TRPM8: variants seen among roughly 807,000 people sequenced by gnomAD.
The protein encoded by TRPM8 is transient receptor potential cation channel subfamily M member 8.
In TRPM8, 110 loss-of-function variants were observed where a neutral mutation model predicts 133.7. That is an observed-to-expected ratio of 0.82 (90% confidence interval 0.70 to 0.96). The LOEUF (loss-of-function observed/expected upper bound fraction) is 0.96, where lower values mean the gene tolerates loss of function less well. Ranked by LOEUF, TRPM8 falls within the 40% of genes least tolerant of loss-of-function variation. The pLI, the probability that TRPM8 is intolerant of heterozygous loss-of-function variation, is 0.00. For synonymous variants in TRPM8, 535 were observed against 532.3 expected (o/e 1.01, Z -0.07); for missense variants, 1,291 against 1,379.5 (o/e 0.94, Z 1.02).
intron 18 of TRPM8, among the ~76,000 whole-genome samples, chr2:233,981,558 A>T (rs961926770): frequency 6.6e-6 from 1 of 151,352 alleles, no homozygotes; most frequent in Non-Finnish European, 1.5e-5. Flanking sequence ...GTTTGGTGAG[A>T]TGTCTTTGCT....
At chr2:233,946,344 A>G (rs191200010) in intron 7 of TRPM8, 120 of 234,474 alleles carry the variant, frequency 5.1e-4, no homozygotes, top group African/African-American at 2.5e-3. Flanking sequence ...TACGATCTAC[A>G]ATGACAAATA....
intron 15 of TRPM8, among the ~76,000 whole-genome samples, chr2:233,968,800 T>C (rs1180771187): frequency 6.6e-6 from 1 of 152,084 alleles, no homozygotes; most frequent in Non-Finnish European, 1.5e-5. Flanking sequence ...AGAGCTACTG[T>C]GAGTTTTCTA....
intron 21 of TRPM8, among the ~76,000 whole-genome samples, chr2:233,990,391 C>T: frequency 6.6e-6 from 1 of 152,298 alleles, no homozygotes; most frequent in African/African-American, 2.4e-5. Flanking sequence ...AAAGGCAAGA[C>T]AGCTCTGTCT....
intron 11 of TRPM8, among the ~76,000 whole-genome samples, chr2:233,960,414 C>T (rs946344194): frequency 6.6e-6 from 1 of 152,074 alleles, no homozygotes; most frequent in South Asian, 2.1e-4. Context: ...CACACCCCCA[C>T]CCCCGATTGA....
At chr2:233,925,509 T>C (rs552766969) in intron 1 of TRPM8, among the ~76,000 whole-genome samples, 1 of 152,138 alleles carries the variant, frequency 6.6e-6, no homozygotes, top group African/African-American at 2.4e-5. Context: ...AAGAGGGCTC[T>C]GGACAGAAGG....
At chr2:234,001,906 A>G (rs1692575427) in intron 22 of TRPM8, among the ~76,000 whole-genome samples, 1 of 152,190 alleles carries the variant, frequency 6.6e-6, no homozygotes, top group Admixed American at 6.5e-5. Context: ...AGAGCCTACC[A>G]CATGATAGTG....
At position 233,996,483 on chromosome 2, in the gene TRPM8, T is replaced by G. The variant is rs1390371433; in HGVS notation, c.3097T>G (p.Cys1033Gly). The G allele has an allele frequency of 1.2e-6, 2 of 1,614,110 alleles. No individual in the cohort carries two copies. Among genetic ancestry groups the G allele is most frequent in the African/African-American group, 2.7e-5 (2 of 74,944 alleles). Residue 1033 changes from cysteine to glycine, a missense_variant, in exon 22 of 26, where the codon TGC (cysteine) becomes GGC (glycine). This residue lies in a region of TRPM8 where 328 missense variants were observed against 410.6 expected (regional missense o/e 0.80). Transcript: ENST00000324695. Reference protein sequence around the residue: ...MVVKKCFKCCCKEKNMESSVC... With the variant: ...MVVKKCFKCCGKEKNMESSVC... The stretch of plus-strand genomic sequence containing the variant: ...GGTGAAGAAGTGCTTCAAGTGTTGC[T>G]GCAAGGAGAAAAACATGGAGTCTTC...
In TRPM8 at chr2:233,921,465, G is replaced by T. The variant is rs189038823; in HGVS notation, c.-6+4033G>T. Among the ~76,000 whole-genome samples, 219 of 152,052 alleles carry T rather than the reference G, an allele frequency of 1.4e-3. 1 individual carries two copies. The highest frequency in any genetic ancestry group is 1.5e-3 in the Non-Finnish European group (99 of 67,990). ...CCTGTCAACCTAAAATAATCAAAAG[G>T]CTCAGGATCCAATTAAAAGAGTTTA... On this transcript the variant is annotated intron_variant, in intron 1 of 25. Transcript: ENST00000324695.
At chr2:233,925,178 C>T (rs142723050) in intron 1 of TRPM8, among the ~76,000 whole-genome samples, 14 of 152,248 alleles carry the variant, frequency 9.2e-5, no homozygotes, top group African/African-American at 1.2e-4. Flanking sequence ...GTTAGCAAAC[C>T]GAAGGAGGAT....
intron 3 of TRPM8, among the ~76,000 whole-genome samples, chr2:233,932,021 C>T (rs1393067191): frequency 1.3e-5 from 2 of 152,244 alleles, no homozygotes; most frequent in Non-Finnish European, 2.9e-5. Context: ...TGTGCCTTCT[C>T]TATACCGTCA....
intron 22 of TRPM8, among the ~76,000 whole-genome samples, chr2:234,004,840 C>T (rs1692654140): frequency 6.6e-6 from 1 of 151,980 alleles, no homozygotes; most frequent in Non-Finnish European, 1.5e-5. Flanking sequence ...AATTGGATTG[C>T]TCTACACACA....
chr2:233,938,990 C>G lies in TRPM8; in HGVS notation c.349-8C>G. On this transcript the variant is annotated splice_polypyrimidine_tract_variant and splice_region_variant and intron_variant, in intron 4 of 25. Coordinates refer to ENST00000324695, the MANE Select transcript of TRPM8 (RefSeq NM_024080.5). ...CCTATCCTGATACTTCTGCTTCTCT[C>G]CCCATAGTATATACGTCTGTCCTGC... The G allele has an allele frequency of 6.2e-7, 1 of 1,614,100 alleles. No individual in the cohort carries two copies. The highest frequency in any genetic ancestry group is 8.5e-7 in the Non-Finnish European group (1 of 1,179,998).
chr2:233,999,263 T>C (rs923548756), intron 22 of TRPM8, among the ~76,000 whole-genome samples: 3 of 152,036 alleles, frequency 2.0e-5, no homozygotes, highest in Admixed American at 6.5e-5. Flanking sequence ...CCACACGCAT[T>C]CTCACATGCA....
chr2:233,955,300 G>T (rs1300888491), intron 11 of TRPM8, 50 bp downstream of exon 11: 1 of 1,400,602 alleles, frequency 7.1e-7, no homozygotes, highest in Non-Finnish European at 1.0e-6. Context: ...CTGGACAGTG[G>T]TCTGGGCAAT....
At chr2:233,938,851 A>C in intron 4 of TRPM8, 147 bp from the exon 5 acceptor site, 1 of 800,002 alleles carries the variant, frequency 1.3e-6, no homozygotes, top group Non-Finnish European at 1.9e-6. Context: ...CCCGCCTGGG[A>C]CCCCCAATGC....
At chr2:234,012,124 A>G (rs1282687980) in intron 24 of TRPM8, among the ~76,000 whole-genome samples, 1 of 150,310 alleles carries the variant, frequency 6.7e-6, no homozygotes. Flanking sequence ...TATCCTGCAA[A>G]TATACTGAAT....
In TRPM8 at chr2:233,981,871, G is replaced by A. The variant is rs1278968434; in HGVS notation, c.2545G>A (p.Val849Ile). The A allele has an allele frequency of 6.2e-7, 1 of 1,613,400 alleles. No homozygotes were observed. Among genetic ancestry groups the A allele is most frequent in the Non-Finnish European group, 8.5e-7 (1 of 1,179,908 alleles). The change falls in exon 19 of 26, where the codon GTA becomes ATA. Residue 849 changes from valine to isoleucine, a missense_variant. By Grantham distance (29) the Val-to-Ile change is conservative. Around this residue, in one of 2 missense-constraint regions of TRPM8, gnomAD observed 328 missense variants for 410.6 expected, o/e 0.80. Coordinates refer to ENST00000324695, the MANE Select transcript of TRPM8 (RefSeq NM_024080.5). ...TCTAAGATTGATCCACATTTTTACT[G>A]TAAGCAGAAACTTAGGACCCAAGAT... ...FTLRLIHIFT[V>I]SRNLGPKIIM...
chr2:233,927,706 G>GTCTC (rs1352706961), intron 2 of TRPM8, among the ~76,000 whole-genome samples: 1 of 149,516 alleles, frequency 6.7e-6, no homozygotes, highest in Non-Finnish European at 1.5e-5. Flanking sequence ...GACAGAGTCT[G>GTCTC]TCTCTTTCTT....
intron 11 of TRPM8, among the ~76,000 whole-genome samples, chr2:233,960,492 T>A (rs1044448853): frequency 6.6e-6 from 1 of 152,198 alleles, no homozygotes; most frequent in Non-Finnish European, 1.5e-5. Context: ...GGTGTATTTA[T>A]CTCCATTTTA....
Sources: allele counts gnomAD v4.1 joint callset (sites outside exome capture counted in the v4.1 genomes callset), GRCh38; gene constraint gnomAD v4.1.1; regional missense constraint gnomAD v4.1.1; transcripts MANE v1.5; gene names NCBI Gene and HGNC (gene_info 2026-07-23, HGNC 2026-07-21).